The following BFSP1 variants were observed in gnomAD, a reference collection of about 807,000 sequenced individuals.
The protein encoded by BFSP1 is filensin.
BFSP1 carries 38 observed loss-of-function variants against 43.9 expected under a neutral mutation model. That is an observed-to-expected ratio of 0.87 (90% confidence interval 0.67 to 1.14). The LOEUF (loss-of-function observed/expected upper bound fraction) is 1.14. BFSP1 is among the 50% of genes most tolerant of loss of function. The probability of loss-of-function intolerance (pLI) is 0.00; values close to 1 mark genes in which losing one functional copy is unlikely to be tolerated. For missense variants in BFSP1, 850 were observed against 875.1 expected (o/e 0.97, Z 0.36); for synonymous variants, 352 against 354.8 (o/e 0.99, Z 0.09).
At chr20:17,557,387 G>A (rs1340823580) in intron 1 of BFSP1, among the ~76,000 whole-genome samples, 4 of 152,172 alleles carry the variant, frequency 2.6e-5, no homozygotes, top group Non-Finnish European at 5.9e-5. Flanking sequence ...AGACCATGGG[G>A]GGCACCTCAT....
intron 4 of BFSP1, 31 bp from the exon 5 acceptor site, chr20:17,509,027 G>A: frequency 6.8e-7 from 1 of 1,479,928 alleles, no homozygotes; most frequent in Non-Finnish European, 9.0e-7. Context: ...TCAGACTCAT[G>A]GGACATGCAG....
intron 2 of BFSP1, among the ~76,000 whole-genome samples, chr20:17,518,479 G>A (rs1387737265): frequency 2.6e-5 from 4 of 152,260 alleles, no homozygotes; most frequent in Non-Finnish European, 4.4e-5. Context: ...TGCGCTACCC[G>A]GCCCGGGGCG....
At chr20:17,516,582 C>T (rs987585029) in intron 2 of BFSP1, among the ~76,000 whole-genome samples, 1 of 152,152 alleles carries the variant, frequency 6.6e-6, no homozygotes, top group Non-Finnish European at 1.5e-5. Flanking sequence ...GGGCCTGCAT[C>T]ACAATAAATG....
intron 1 of BFSP1, among the ~76,000 whole-genome samples, chr20:17,538,114 G>C: frequency 6.7e-6 from 1 of 149,644 alleles, no homozygotes; most frequent in East Asian, 2.0e-4. Flanking sequence ...GAAGGACACT[G>C]TGTCTCAAAA....
chr20:17,557,986 A>T (rs2035021566), intron 1 of BFSP1, among the ~76,000 whole-genome samples: 1 of 152,176 alleles, frequency 6.6e-6, no homozygotes, highest in Non-Finnish European at 1.5e-5. Flanking sequence ...TTGTTTCATA[A>T]GAAATAAAAA....
intron 2 of BFSP1, among the ~76,000 whole-genome samples, chr20:17,522,918 A>T (rs963457827): frequency 6.6e-6 from 1 of 151,848 alleles, no homozygotes; most frequent in Non-Finnish European, 1.5e-5. Flanking sequence ...CACAGGCTAC[A>T]CTCCTCGCTG....
upstream of BFSP1, among the ~76,000 whole-genome samples, chr20:17,559,818 C>T (rs557335176): frequency 3.3e-5 from 5 of 152,226 alleles, no homozygotes; most frequent in Non-Finnish European, 7.4e-5. Context: ...CGCCAACCAT[C>T]CCCCTGCCAC....
intron 5 of BFSP1, among the ~76,000 whole-genome samples, chr20:17,504,256 G>A (rs771141944): frequency 6.6e-6 from 1 of 152,172 alleles, no homozygotes; most frequent in South Asian, 2.1e-4. Flanking sequence ...GTCCAGTGAA[G>A]TGATGACTTG....
chr20:17,529,025 T>A (rs1023514233), intron 1 of BFSP1, among the ~76,000 whole-genome samples: 12 of 152,138 alleles, frequency 7.9e-5, no homozygotes, highest in African/African-American at 2.7e-4. Context: ...AATTCATTTA[T>A]GTAATTTTAA....
At position 17,525,036 on chromosome 20, in the gene BFSP1, A is replaced by G; in HGVS notation, c.378-128T>C. 1 of 802,136 alleles carries G rather than the reference A, an allele frequency of 1.2e-6. No individual in the cohort carries two copies. Among genetic ancestry groups the G allele is most frequent in the Non-Finnish European group, 2.1e-6 (1 of 466,178 alleles). 49.7% of individuals were successfully genotyped at this position (802,136 alleles called of 1,614,324 possible). A position where few individuals can be genotyped will look rare whatever the true frequency, so the allele number is the denominator to read the frequency against. ...CTTTAAGGAGAGGGTCTTAATTTTA[A>G]AGTAGTAGCTAACGAATGCTGCATT... On this transcript the variant is annotated intron_variant, in intron 1 of 7. Transcript: ENST00000377873. This position sits in a 1 kb window ranked among gnomAD's most constrained non-coding sequence, Gnocchi z 4.2.
chr20:17,531,292 T>G lies in BFSP1; in HGVS notation c.38A>C (p.Glu13Ala), dbSNP rs759963940. The part of the protein sequence containing the change: ...RRSYVFQTRK[E>A]QYEHADEASR... ...AGCCTCGTCGGCGTGCTCGTACTGC[T>G]CCTTGCGGGTCTGGAAGACGTAGCT... The change falls in exon 1 of 8, where the codon GAG becomes GCG. Residue 13 changes from glutamate (E) to alanine (A), a missense_variant. By Grantham distance (107) the Glu-to-Ala change is moderately radical. Transcript: ENST00000377873. 8.8e-6 allele frequency: 13 copies of G among 1,475,074 alleles called. No individual in the cohort carries two copies. The highest frequency in any genetic ancestry group is 1.5e-5 in the African/African-American group (1 of 68,386). The allele number at this position is 1,475,074 out of a possible 1,614,324, so 91.4% of individuals were successfully genotyped here. A position where few individuals can be genotyped will look rare whatever the true frequency, so the allele number is the denominator to read the frequency against.
chr20:17,500,932 G>A (rs1056321422), intron 5 of BFSP1, among the ~76,000 whole-genome samples: 3 of 152,114 alleles, frequency 2.0e-5, no homozygotes, highest in Non-Finnish European at 2.9e-5. Flanking sequence ...TCTACCTAGC[G>A]CAGCCCTTCT....
intron 5 of BFSP1, among the ~76,000 whole-genome samples, chr20:17,504,989 TA>T (rs1201113683): frequency 1.3e-5 from 2 of 151,454 alleles, no homozygotes; most frequent in African/African-American, 4.8e-5. Flanking sequence ...TTACACAAAC[TA>T]AACCACTAGA....
At chr20:17,562,906 A>G (rs2035080092), upstream of BFSP1, 1 of 152,352 alleles carries the variant, frequency 6.6e-6, no homozygotes, top group Non-Finnish European at 1.5e-5. Flanking sequence ...TGTATTTTCT[A>G]CAGCTTCTAT....
rs770680760 is a variant in BFSP1 at position 17,531,043 on chromosome 20, C to A, written c.287G>T (p.Arg96Leu). The change falls in exon 1 of 8, where the codon CGC becomes CTC. Residue 96 changes from arginine to leucine, a missense_variant. Transcript: ENST00000377873. ...GGCCTCCAGGTCCCGGACGCGCTGG[C>A]GGTTGCTCTCGACTTGGCGGGCGAG... Reference protein sequence around the residue: ...DALARQVESNRQRVRDLEAER... With the variant: ...DALARQVESNLQRVRDLEAER... The A allele has an allele frequency of 7.0e-7, 1 of 1,419,302 alleles. No homozygotes were observed. The highest frequency in any genetic ancestry group is 1.4e-5 in the South Asian group (1 of 69,210). The allele number at this position is 1,419,302 out of a possible 1,614,324, so 87.9% of individuals were successfully genotyped here.
chr20:17,535,711 C>T (rs2034617362), upstream of BFSP1, among the ~76,000 whole-genome samples: 1 of 152,046 alleles, frequency 6.6e-6, no homozygotes. Flanking sequence ...ACTATTCTTG[C>T]CATTTTTCCT....
intron 1 of BFSP1, among the ~76,000 whole-genome samples, chr20:17,539,463 A>G (rs1204081939): frequency 1.3e-5 from 2 of 152,024 alleles, no homozygotes. Flanking sequence ...TAGATTGAAC[A>G]TACATTTGGG....
chr20:17,547,328 C>T lies in BFSP1; in HGVS notation c.2+11360G>A, dbSNP rs1379564140. Among the ~76,000 whole-genome samples, 11 of 152,174 alleles carry T rather than the reference C, an allele frequency of 7.2e-5. No individual in the cohort carries two copies. In the South Asian group the frequency reaches 2.1e-3, roughly 29 times the overall value. On this transcript the variant is annotated intron_variant, in intron 1 of 7. Coordinates refer to the BFSP1 transcript ENST00000377868. ...AGACAGGGCCAAAGATCTCATCTTC[C>T]GAAGCTGCTTCCTGCTGAACAGGGT...
intron 1 of BFSP1, among the ~76,000 whole-genome samples, chr20:17,551,728 A>C (rs2034898328): frequency 6.6e-6 from 1 of 152,220 alleles, no homozygotes; most frequent in East Asian, 1.9e-4. Flanking sequence ...CACACCTGTA[A>C]TCCCAGCACT....
Sources: gnomAD v4.1 joint callset for allele counts (sites outside exome capture counted in the v4.1 genomes callset) on GRCh38, gnomAD v4.1.1 for gene constraint, Gnocchi (gnomAD v3.1) non-coding constraint, MANE v1.5 for transcripts, NCBI Gene and HGNC (gene_info 2026-07-23, HGNC 2026-07-21) for gene names.